TMTC2: variants seen among roughly 807,000 people sequenced by gnomAD.
TMTC2 encodes the protein protein O-mannosyl-transferase TMTC2.
TMTC2 carries 43 observed loss-of-function variants against 82.4 expected under a neutral mutation model. That is an observed-to-expected ratio of 0.52 (90% CI 0.41 to 0.67). TMTC2 has a LOEUF of 0.67. TMTC2 is among the 30% of genes least tolerant of loss of function. The pLI is 0.00. For missense variants in TMTC2, 919 were observed against 1,012.4 expected (o/e 0.91, Z 1.25); for synonymous variants, 408 against 381.9 (o/e 1.07, Z -0.80).
At chr12:82,864,320 A>G (rs1200632803) in intron 2 of TMTC2, among the ~76,000 whole-genome samples, 1 of 151,722 alleles carries the variant, frequency 6.6e-6, no homozygotes, top group Non-Finnish European at 1.5e-5. Flanking sequence ...GAAGGAGCCT[A>G]GGGATACGCA....
At chr12:82,768,100 TCTC>T (rs1336356945) in intron 1 of TMTC2, among the ~76,000 whole-genome samples, 1 of 152,136 alleles carries the variant, frequency 6.6e-6, no homozygotes, top group Non-Finnish European at 1.5e-5. Flanking sequence ...GCCAGGGGCT[TCTC>T]CTCTCAGAAC....
At chr12:82,773,459 T>C (rs1024941327) in intron 1 of TMTC2, among the ~76,000 whole-genome samples, 1 of 144,562 alleles carries the variant, frequency 6.9e-6, no homozygotes, top group Non-Finnish European at 1.5e-5. Context: ...AGAAGTGATA[T>C]TTCTTTTTTT....
At chr12:82,734,629 C>T (rs79496814) in intron 1 of TMTC2, among the ~76,000 whole-genome samples, 13,193 of 152,188 alleles carry the variant, frequency 0.087, 787 homozygotes, top group East Asian at 0.23. Flanking sequence ...TAAGTGTCAT[C>T]TTAATATTAT....
chr12:82,765,929 C>T (rs1325719691), intron 1 of TMTC2, among the ~76,000 whole-genome samples: 1 of 152,088 alleles, frequency 6.6e-6, no homozygotes, highest in East Asian at 1.9e-4. Flanking sequence ...TGTTCATGAA[C>T]TCAGTGGGTT....
Position 82,795,712 on chromosome 12 carries a change from C to T in TMTC2, c.84-61298C>T, listed in dbSNP as rs999097475. 3.3e-5 allele frequency among the ~76,000 whole-genome samples: 5 copies of T among 152,106 alleles called. No individual in the cohort carries two copies. The East Asian group carries it at 5.8e-4, about 18-fold the overall frequency. On this transcript the variant is annotated intron_variant, in intron 1 of 11. Transcript: ENST00000321196. The stretch of plus-strand genomic sequence containing the variant: ...TTCTGCCTTCCACCATGTGGAGACA[C>T]GATGTTTCTCCCTTTCTGGGGATGC...
At chr12:83,096,705 A>G (rs1325705582) in intron 11 of TMTC2, among the ~76,000 whole-genome samples, 1 of 152,202 alleles carries the variant, frequency 6.6e-6, no homozygotes. Flanking sequence ...GACCCCTCCC[A>G]CAACACAAGG....
At chr12:82,703,012 A>T (rs1873154926) in intron 1 of TMTC2, among the ~76,000 whole-genome samples, 1 of 151,568 alleles carries the variant, frequency 6.6e-6, no homozygotes, top group East Asian at 2.0e-4. Flanking sequence ...ATTCTGTCTC[A>T]AAATAAATAA....
At chr12:83,091,106 C>T (rs1218049008) in intron 11 of TMTC2, among the ~76,000 whole-genome samples, 1 of 152,102 alleles carries the variant, frequency 6.6e-6, no homozygotes, top group Non-Finnish European at 1.5e-5. Context: ...CATACTTTGC[C>T]CTCACTTCAT....
At chr12:82,733,043 A>C (rs1874908195) in intron 1 of TMTC2, among the ~76,000 whole-genome samples, 1 of 152,186 alleles carries the variant, frequency 6.6e-6, no homozygotes, top group East Asian at 1.9e-4. Flanking sequence ...TTTTGATTTT[A>C]ATTGTTCTCA....
intron 1 of TMTC2, among the ~76,000 whole-genome samples, chr12:82,802,230 C>T (rs1033963740): frequency 1.3e-5 from 2 of 152,188 alleles, no homozygotes; most frequent in Non-Finnish European, 2.9e-5. Context: ...TCCTAGGCTC[C>T]TCACTGCTGG....
intron 11 of TMTC2, among the ~76,000 whole-genome samples, chr12:83,089,225 T>G (rs571649964): frequency 6.6e-6 from 1 of 152,210 alleles, no homozygotes; most frequent in Non-Finnish European, 1.5e-5. Context: ...TTATGCTTTT[T>G]TGGAGCATCC....
At chr12:82,896,991 C>A (rs889079505) in intron 3 of TMTC2, among the ~76,000 whole-genome samples, 2 of 152,128 alleles carry the variant, frequency 1.3e-5, no homozygotes, top group Non-Finnish European at 2.9e-5. Context: ...GCTCTTTTAT[C>A]ATATAATAAA....
chr12:82,890,821 G>C (rs528953240), intron 2 of TMTC2, among the ~76,000 whole-genome samples: 32 of 152,290 alleles, frequency 2.1e-4, no homozygotes, highest in Non-Finnish European at 3.7e-4. Context: ...CCAGCGTATA[G>C]AAGAGTGCCT....
chr12:82,930,657 T>C, intron 4 of TMTC2, 112 bp downstream of exon 4: 1 of 601,460 alleles, frequency 1.7e-6, no homozygotes, highest in East Asian at 2.9e-5. Context: ...CCTGAAATAG[T>C]CTTTTTGTTA....
intron 1 of TMTC2, among the ~76,000 whole-genome samples, chr12:82,835,769 A>G (rs139668141): frequency 3.3e-5 from 5 of 152,310 alleles, no homozygotes; most frequent in African/African-American, 1.2e-4. Context: ...TGGACATTGC[A>G]GTTGGTAAAT....
intron 1 of TMTC2, among the ~76,000 whole-genome samples, chr12:82,744,581 T>TAAAAAAAAAAAAA (rs369793885): frequency 8.7e-6 from 1 of 115,518 alleles, no homozygotes; most frequent in African/African-American, 3.2e-5. Context: ...ACTCTGACTC[T>TAAAAAAAAAAAAA]AAAAAAAAAA....
intron 7 of TMTC2, among the ~76,000 whole-genome samples, chr12:82,977,712 T>C (rs1291726142): frequency 6.6e-6 from 1 of 151,856 alleles, no homozygotes; most frequent in Non-Finnish European, 1.5e-5. Flanking sequence ...GTATAAAAGA[T>C]AGTCCAAGAA....
chr12:83,100,489 G>T (rs928332355), intron 11 of TMTC2, among the ~76,000 whole-genome samples: 2 of 152,160 alleles, frequency 1.3e-5, no homozygotes, highest in African/African-American at 2.4e-5. Flanking sequence ...GTAAAGTGAG[G>T]ATTAAAATTC....
intron 1 of TMTC2, among the ~76,000 whole-genome samples, chr12:82,726,878 CA>C (rs757515287): frequency 0.024 from 1,033 of 42,338 alleles, 5 homozygotes; most frequent in Middle Eastern, 0.035. Flanking sequence ...GACTCTGTCT[CA>C]AAAAAAAAAA....
Sources: allele counts gnomAD v4.1 joint callset (sites outside exome capture counted in the v4.1 genomes callset), GRCh38; gene constraint gnomAD v4.1.1; transcripts MANE v1.5; gene names NCBI Gene and HGNC (gene_info 2026-07-23, HGNC 2026-07-21).